RBFOX1: variants seen among roughly 807,000 people sequenced by gnomAD.
RBFOX1 encodes RNA binding protein fox-1 homolog 1.
A neutral mutation model predicts 57.7 loss-of-function variants in RBFOX1; 8 were observed. The ratio of observed to expected loss-of-function variants is 0.14; its 90% CI spans 0.08 to 0.25. The LOEUF (loss-of-function observed/expected upper bound fraction) is 0.25. Among genes scored for constraint, RBFOX1 ranks in the 10% least tolerant of loss-of-function variants. RBFOX1 has a pLI of 1.00. For missense variants in RBFOX1, 611 were observed against 548.5 expected, an observed-to-expected ratio of 1.11 and a Z score of -1.14; for synonymous variants, 326 against 222.4, an observed-to-expected ratio of 1.47 and a Z score of -4.15.
At chr16:6,207,923 C>G (rs893431420) in intron 1 of RBFOX1, among the ~76,000 whole-genome samples, 2 of 151,916 alleles carry the variant, frequency 1.3e-5, no homozygotes, top group African/African-American at 2.4e-5. Context: ...AAATGTGACT[C>G]CAAATTATCG....
At chr16:6,598,892 G>C (rs183412095) in intron 2 of RBFOX1, among the ~76,000 whole-genome samples, 1 of 152,314 alleles carries the variant, frequency 6.6e-6, no homozygotes, top group African/African-American at 2.4e-5. Context: ...GTTACAGTGA[G>C]CTGAGATTGC....
intron 2 of RBFOX1, among the ~76,000 whole-genome samples, chr16:6,521,461 CTCTCCTCTCT>C (rs2096496100): frequency 7.1e-6 from 1 of 141,678 alleles, no homozygotes; most frequent in Admixed American, 7.2e-5. Context: ...GTCCCCTCTC[CTCTCCTCTCT>C]TCTCTTCCTC....
intron 4 of RBFOX1, among the ~76,000 whole-genome samples, chr16:7,261,612 G>C (rs1419404372): frequency 1.3e-5 from 2 of 152,168 alleles, no homozygotes; most frequent in Non-Finnish European, 2.9e-5. Context: ...AGTATAGAAT[G>C]AGGCTCAGGA....
rs895539210 is a variant in RBFOX1 at position 7,058,164 on chromosome 16, TACTC to T, written c.27+6069_27+6072del. On this transcript the variant is annotated intron_variant, in intron 4 of 15. Coordinates refer to ENST00000550418, the MANE Select transcript of RBFOX1 (RefSeq NM_018723.4). ...AATATAGGACACCTACCGCACGTCT[TACTC>T]ACAGCTTTCAGGCGAACACTAACTC... Among the ~76,000 whole-genome samples, 7 of 152,244 alleles carry T rather than the reference TACTC, an allele frequency of 4.6e-5. No homozygotes were observed. In the South Asian group the frequency reaches 6.2e-4, roughly 14 times the overall value.
chr16:7,648,753 G>C (rs1010055089), intron 11 of RBFOX1, among the ~76,000 whole-genome samples: 2 of 152,110 alleles, frequency 1.3e-5, no homozygotes, highest in Non-Finnish European at 2.9e-5. Context: ...GCCAAAACTG[G>C]AGTCCCGCTT....
At chr16:7,005,371 A>G (rs1166392496) in intron 3 of RBFOX1, among the ~76,000 whole-genome samples, 1 of 152,180 alleles carries the variant, frequency 6.6e-6, no homozygotes, top group Non-Finnish European at 1.5e-5. Flanking sequence ...CTTATAGAAT[A>G]GAGGGATGGC....
rs1805294924 is a variant in RBFOX1 at position 6,619,723 on chromosome 16, T to C, written c.-63-34880T>C. Among the ~76,000 whole-genome samples the C allele has an allele frequency of 3.4e-5, 5 of 148,576 alleles. No individual in the cohort carries two copies. The South Asian group carries it at 1.1e-3, about 32-fold the overall frequency. On this transcript the variant is annotated intron_variant, in intron 2 of 15. Coordinates refer to ENST00000550418, the MANE Select transcript of RBFOX1 (RefSeq NM_018723.4). The stretch of plus-strand genomic sequence containing the variant: ...TTTTTTTTTTTAATAACTTTCATTT[T>C]AAACTCAAGGTTACAAATGTACTGT...
At chr16:6,374,928 G>C (rs1233032487) in intron 2 of RBFOX1, among the ~76,000 whole-genome samples, 1 of 152,208 alleles carries the variant, frequency 6.6e-6, no homozygotes, top group East Asian at 1.9e-4. Context: ...ATTCCTGTTA[G>C]CAACTGGCAG....
At chr16:7,122,198 A>C (rs917282302) in intron 4 of RBFOX1, among the ~76,000 whole-genome samples, 1 of 152,180 alleles carries the variant, frequency 6.6e-6, no homozygotes, top group African/African-American at 2.4e-5. Context: ...GAAGGTCTCT[A>C]TTAAAAGAAA....
At chr16:6,765,004 G>C (rs766546404) in intron 3 of RBFOX1, among the ~76,000 whole-genome samples, 5 of 151,342 alleles carry the variant, frequency 3.3e-5, no homozygotes, top group Admixed American at 2.0e-4. Context: ...CATAATGTGT[G>C]TGTTGGCTAA....
At chr16:5,381,112 C>G (rs1384707329) in intron 1 of RBFOX1, among the ~76,000 whole-genome samples, 1 of 152,130 alleles carries the variant, frequency 6.6e-6, no homozygotes, top group African/African-American at 2.4e-5. Flanking sequence ...GGACAGGATG[C>G]TGAAGGAGGA....
chr16:6,210,383 A>AAG (rs1329916778), intron 1 of RBFOX1, among the ~76,000 whole-genome samples: 3,088 of 144,498 alleles, frequency 0.021, 68 homozygotes, highest in Non-Finnish European at 0.035. Context: ...AAAAAAGAGA[A>AAG]AGGAAGGAAG....
intron 4 of RBFOX1, among the ~76,000 whole-genome samples, chr16:5,936,414 G>T (rs1222651410): frequency 6.6e-6 from 1 of 152,170 alleles, no homozygotes; most frequent in Non-Finnish European, 1.5e-5. Context: ...ATGAGCCACT[G>T]CACCTGGCCA....
At chr16:7,229,941 GGAGGAAGGGAGAGAGA>G (rs2093395810) in intron 4 of RBFOX1, among the ~76,000 whole-genome samples, 1 of 56,478 alleles carries the variant, frequency 1.8e-5, no homozygotes, top group African/African-American at 1.1e-4. Flanking sequence ...GGAGAGAGAG[GGAGGAAGGGAGAGAGA>G]GGGAGGAAGG....
At chr16:6,379,510 A>C (rs1177952054) in intron 2 of RBFOX1, among the ~76,000 whole-genome samples, 1 of 152,052 alleles carries the variant, frequency 6.6e-6, no homozygotes, top group African/African-American at 2.4e-5. Flanking sequence ...GGGCATAAGA[A>C]CCCACTGAAA....
At chr16:7,102,360 G>A (rs760667671) in intron 4 of RBFOX1, among the ~76,000 whole-genome samples, 1 of 152,202 alleles carries the variant, frequency 6.6e-6, no homozygotes, top group African/African-American at 2.4e-5. Flanking sequence ...GTCTTACTGA[G>A]AGCCTTAGAA....
intron 2 of RBFOX1, among the ~76,000 whole-genome samples, chr16:5,492,842 G>T (rs2151675235): frequency 6.6e-6 from 1 of 152,308 alleles, no homozygotes; most frequent in African/African-American, 2.4e-5. Flanking sequence ...CGGGGACTTG[G>T]TGCTTTTCTT....
At chr16:7,027,583 C>A (rs972712409) in intron 3 of RBFOX1, among the ~76,000 whole-genome samples, 1 of 152,046 alleles carries the variant, frequency 6.6e-6, no homozygotes. Flanking sequence ...GACTAATGTA[C>A]TTAGAAATAC....
intron 4 of RBFOX1, among the ~76,000 whole-genome samples, chr16:5,966,029 G>C (rs947558159): frequency 6.6e-6 from 1 of 152,090 alleles, no homozygotes; most frequent in Non-Finnish European, 1.5e-5. Flanking sequence ...TCATGCAGCA[G>C]GTTTTCCTTA....
Sources: allele counts gnomAD v4.1 joint callset (sites outside exome capture counted in the v4.1 genomes callset), GRCh38; gene constraint gnomAD v4.1.1; transcripts MANE v1.5; gene names NCBI Gene and HGNC (gene_info 2026-07-23, HGNC 2026-07-21).